ITGA9: variants seen among roughly 807,000 people sequenced by gnomAD.
ITGA9 encodes integrin alpha-9.
A neutral mutation model predicts 127.8 loss-of-function variants in ITGA9; 56 were observed. The observed-to-expected ratio is 0.44, with a 90% CI of 0.35 to 0.55. ITGA9 has a LOEUF of 0.55. Ranked by LOEUF, ITGA9 falls within the 20% of genes least tolerant of loss-of-function variation. ITGA9 has a pLI of 0.00. For missense variants in ITGA9, 1,196 were observed against 1,347.1 expected, an observed-to-expected ratio of 0.89 and a Z score of 1.76; for synonymous variants, 508 against 514.5, an observed-to-expected ratio of 0.99 and a Z score of 0.17.
chr3:37,757,157 TATTA>T (rs1696662314), intron 23 of ITGA9, among the ~76,000 whole-genome samples: 1 of 151,700 alleles, frequency 6.6e-6, no homozygotes, highest in South Asian at 2.1e-4. Context: ...ATGAAGGTAT[TATTA>T]AAGACAAAGC....
chr3:37,703,946 A>C (rs1349328188), intron 18 of ITGA9, among the ~76,000 whole-genome samples: 1 of 151,748 alleles, frequency 6.6e-6, no homozygotes, highest in Non-Finnish European at 1.5e-5. Context: ...GCTGGTACTT[A>C]ATCTCTCTCC....
intron 18 of ITGA9, among the ~76,000 whole-genome samples, chr3:37,704,674 C>T (rs547785807): frequency 1.1e-4 from 17 of 152,276 alleles, no homozygotes; most frequent in Admixed American, 3.9e-4. Context: ...AATACAACAC[C>T]GGTGACTTGC....
intron 22 of ITGA9, chr3:37,748,465 G>A: frequency 1.7e-6 from 1 of 577,472 alleles, no homozygotes; most frequent in Non-Finnish European, 3.2e-6. Context: ...AAAGAAGGAA[G>A]CTGGCGGCAC....
At chr3:37,459,025 G>A (rs1281196031) in intron 1 of ITGA9, among the ~76,000 whole-genome samples, 1 of 152,224 alleles carries the variant, frequency 6.6e-6, no homozygotes, top group African/African-American at 2.4e-5. Flanking sequence ...GGAAGCCGAT[G>A]TAAGTCCAAG....
At chr3:37,676,501 A>C (rs1356593904) in intron 17 of ITGA9, among the ~76,000 whole-genome samples, 2 of 152,200 alleles carry the variant, frequency 1.3e-5, no homozygotes, top group Non-Finnish European at 2.9e-5. Flanking sequence ...CTTAATTCTT[A>C]GGCACTTTCC....
At chr3:37,767,979 C>G (rs1474016848) in intron 23 of ITGA9, among the ~76,000 whole-genome samples, 2 of 152,142 alleles carry the variant, frequency 1.3e-5, no homozygotes, top group African/African-American at 4.8e-5. Flanking sequence ...TAAATAGTGT[C>G]ATTGCAATTG....
chr3:37,555,127 G>A (rs1178393617), intron 15 of ITGA9, among the ~76,000 whole-genome samples: 2 of 152,136 alleles, frequency 1.3e-5, no homozygotes, highest in Non-Finnish European at 2.9e-5. Context: ...CATTGTATGT[G>A]TTTTTCATGC....
chr3:37,561,735 C>T (rs1699491982), intron 15 of ITGA9, among the ~76,000 whole-genome samples: 1 of 152,136 alleles, frequency 6.6e-6, no homozygotes, highest in South Asian at 2.1e-4. Flanking sequence ...TTCTGGTGAC[C>T]TTGTGCTGAT....
chr3:37,579,463 C>G lies in ITGA9; in HGVS notation c.1689+36878C>G, dbSNP rs535231325. Among the ~76,000 whole-genome samples, 8 of 152,216 alleles carry G rather than the reference C, an allele frequency of 5.3e-5. No individual in the cohort carries two copies. The East Asian group carries it at 1.5e-3, about 29-fold the overall frequency. ...GAAGATTACAAAAGAAAATTATCTC[C>G]CAGCTAATTTGTCTTTATTTATGGA... is the stretch of plus-strand genomic sequence containing the variant. On this transcript the variant is annotated intron_variant, in intron 15 of 27. Transcript: ENST00000264741.
At chr3:37,729,671 G>C (rs1696261991) in intron 18 of ITGA9, among the ~76,000 whole-genome samples, 1 of 147,142 alleles carries the variant, frequency 6.8e-6, no homozygotes, top group African/African-American at 2.5e-5. Flanking sequence ...AACTGAAGAA[G>C]TCTTTGGGGC....
At chr3:37,748,707 C>T in intron 22 of ITGA9, 1 of 559,506 alleles carries the variant, frequency 1.8e-6, no homozygotes. Context: ...GAGGTTGGCC[C>T]ACTGCACTCC....
At chr3:37,741,611 ATGAG>A (rs1378544580) in intron 20 of ITGA9, 115 bp from the exon 21 acceptor site, 1 of 774,840 alleles carries the variant, frequency 1.3e-6, no homozygotes, top group Admixed American at 2.0e-5. Context: ...ACTGAAGGCA[ATGAG>A]GTGCCATCTG....
intron 26 of ITGA9, among the ~76,000 whole-genome samples, chr3:37,796,976 G>A (rs181310599): frequency 8.5e-5 from 13 of 152,190 alleles, no homozygotes; most frequent in South Asian, 4.2e-4. Context: ...TGTTTTGTTG[G>A]AGCCATGGGT....
intron 12 of ITGA9, among the ~76,000 whole-genome samples, chr3:37,525,172 C>G (rs1699081559): frequency 6.6e-6 from 1 of 152,134 alleles, no homozygotes; most frequent in Non-Finnish European, 1.5e-5. Flanking sequence ...GGCATAGAAC[C>G]ACTGGAAGAG....
intron 13 of ITGA9, among the ~76,000 whole-genome samples, chr3:37,530,945 G>A (rs1390935769): frequency 2.6e-5 from 4 of 151,626 alleles, no homozygotes; most frequent in African/African-American, 9.7e-5. Context: ...TAGAGACAGG[G>A]TTTCACCGTG....
chr3:37,689,286 G>A (rs1021633582), intron 18 of ITGA9, among the ~76,000 whole-genome samples: 5 of 152,286 alleles, frequency 3.3e-5, no homozygotes, highest in African/African-American at 1.2e-4. Context: ...TTTCCTTTGA[G>A]GGAAGGCTGC....
At chr3:37,618,116 A>T (rs1482467658) in intron 15 of ITGA9, among the ~76,000 whole-genome samples, 2 of 152,000 alleles carry the variant, frequency 1.3e-5, no homozygotes, top group African/African-American at 2.4e-5. Flanking sequence ...GTCTTTGATG[A>T]TGGTGATGTA....
intron 23 of ITGA9, among the ~76,000 whole-genome samples, chr3:37,766,233 A>C: frequency 6.6e-6 from 1 of 152,362 alleles, no homozygotes; most frequent in East Asian, 1.9e-4. Context: ...ATACACCCCA[A>C]GTTTCTTCAG....
intron 26 of ITGA9, among the ~76,000 whole-genome samples, chr3:37,791,412 C>A (rs1391706144): frequency 6.6e-6 from 1 of 152,140 alleles, no homozygotes; most frequent in African/African-American, 2.4e-5. Context: ...TCAGCAGAAT[C>A]AGAATGGATT....
Sources: gnomAD v4.1 joint callset for allele counts (sites outside exome capture counted in the v4.1 genomes callset) on GRCh38, gnomAD v4.1.1 for gene constraint, MANE v1.5 for transcripts, NCBI Gene and HGNC (gene_info 2026-07-23, HGNC 2026-07-21) for gene names.